GRIA4: variants seen among roughly 807,000 people sequenced by gnomAD.
GRIA4 encodes the protein glutamate ionotropic receptor AMPA type subunit 4.
Under a neutral mutation model 104.0 loss-of-function variants are expected in GRIA4, and 34 were observed. The observed-to-expected ratio is 0.33, with a 90% confidence interval of 0.25 to 0.44. GRIA4 has a LOEUF of 0.44. Ranked by LOEUF, GRIA4 falls within the 20% of genes least tolerant of loss-of-function variation. GRIA4 has a pLI of 1.00. For synonymous variants in GRIA4, 386 were observed against 381.9 expected (o/e 1.01, Z -0.13); for missense variants, 750 against 1,096.5 (o/e 0.68, Z 4.46).
At chr11:105,705,257 G>C (rs1257491036) in intron 3 of GRIA4, among the ~76,000 whole-genome samples, 1 of 151,930 alleles carries the variant, frequency 6.6e-6, no homozygotes, top group Non-Finnish European at 1.5e-5. Context: ...CTATACACCA[G>C]AATAAATTCT....
intron 3 of GRIA4, among the ~76,000 whole-genome samples, chr11:105,617,827 A>G (rs1950639087): frequency 6.6e-6 from 1 of 152,082 alleles, no homozygotes; most frequent in Non-Finnish European, 1.5e-5. Flanking sequence ...CTGATAGCCC[A>G]GTGGGAAAGA....
intron 2 of GRIA4, 141 bp downstream of exon 2, chr11:105,611,226 C>T (rs1214276805): frequency 1.5e-6 from 1 of 684,548 alleles, no homozygotes; most frequent in African/African-American, 1.8e-5. Context: ...TCCTTTCTCT[C>T]CTTTGCAAAA....
chr11:105,769,358 G>A (rs930269553), intron 4 of GRIA4, among the ~76,000 whole-genome samples: 8 of 152,044 alleles, frequency 5.3e-5, no homozygotes, highest in African/African-American at 1.9e-4. Flanking sequence ...TTTGGGCTGA[G>A]TAGATCTTAA....
intron 4 of GRIA4, among the ~76,000 whole-genome samples, chr11:105,828,026 T>G (rs965645423): frequency 6.6e-6 from 1 of 151,974 alleles, no homozygotes; most frequent in Non-Finnish European, 1.5e-5. Flanking sequence ...AACAGGGCAG[T>G]TTTTTCAGTA....
At chr11:105,691,601 T>C (rs1350260271) in intron 3 of GRIA4, among the ~76,000 whole-genome samples, 1 of 152,158 alleles carries the variant, frequency 6.6e-6, no homozygotes, top group Non-Finnish European at 1.5e-5. Flanking sequence ...AAATAAGTTA[T>C]TTTTTAATTA....
At chr11:105,856,465 C>A (rs1049294979) in intron 4 of GRIA4, among the ~76,000 whole-genome samples, 1 of 151,992 alleles carries the variant, frequency 6.6e-6, no homozygotes, top group Non-Finnish European at 1.5e-5. Flanking sequence ...ACCTGCTATG[C>A]AAGATAAAAA....
chr11:105,734,633 C>T (rs1487027585), intron 3 of GRIA4, among the ~76,000 whole-genome samples: 1 of 152,124 alleles, frequency 6.6e-6, no homozygotes, highest in African/African-American at 2.4e-5. Context: ...TTATTACTTC[C>T]TCTTCAGCCT....
chr11:105,830,972 A>G (rs1039432024), intron 4 of GRIA4, among the ~76,000 whole-genome samples: 5 of 150,352 alleles, frequency 3.3e-5, no homozygotes, highest in South Asian at 2.1e-4. Context: ...ACACACACGC[A>G]CACACACACA....
intron 4 of GRIA4, among the ~76,000 whole-genome samples, chr11:105,762,014 T>A (rs1940676255): frequency 6.7e-6 from 1 of 149,616 alleles, no homozygotes. Context: ...AAGAATCTTT[T>A]GAGAAGTCTT....
intron 3 of GRIA4, among the ~76,000 whole-genome samples, chr11:105,658,127 T>C (rs1951898751): frequency 6.6e-6 from 1 of 151,862 alleles, no homozygotes; most frequent in Admixed American, 6.6e-5. Context: ...TGTCATATTG[T>C]CTCACCTTAA....
chr11:105,885,169 G>A (rs1946210094), intron 5 of GRIA4, among the ~76,000 whole-genome samples: 1 of 152,162 alleles, frequency 6.6e-6, no homozygotes, highest in African/African-American at 2.4e-5. Context: ...GTGGCATCAA[G>A]CATCCTCCTG....
At chr11:105,910,294 C>CTT (rs113570660) in intron 9 of GRIA4, 141 bp from the exon 10 acceptor site, 204 of 488,232 alleles carry the variant, frequency 4.2e-4, no homozygotes, top group Non-Finnish European at 5.2e-4. Flanking sequence ...CTTCTGAACA[C>CTT]TTTTTTTTTT....
chr11:105,706,723 G>C (rs1214835261), intron 3 of GRIA4: 1 of 152,282 alleles, frequency 6.6e-6, no homozygotes, highest in Non-Finnish European at 1.5e-5. Context: ...GTCTGAACCT[G>C]TAACACCCTC....
intron 4 of GRIA4, among the ~76,000 whole-genome samples, chr11:105,827,560 G>C (rs1943817638): frequency 6.6e-6 from 1 of 151,960 alleles, no homozygotes; most frequent in Non-Finnish European, 1.5e-5. Flanking sequence ...ATAGAAAAGA[G>C]AATGGTGTGG....
At chr11:105,649,208 T>A (rs1162164738) in intron 3 of GRIA4, among the ~76,000 whole-genome samples, 1 of 152,038 alleles carries the variant, frequency 6.6e-6, no homozygotes, top group Non-Finnish European at 1.5e-5. Flanking sequence ...TCAATAGAAA[T>A]GCATTAGTAG....
In GRIA4 at chr11:105,611,038, G is replaced by C; in HGVS notation, c.41G>C (p.Gly14Ala). 2 of 1,613,698 alleles carry C rather than the reference G, an allele frequency of 1.2e-6. No homozygotes were observed. Among genetic ancestry groups the C allele is most frequent in the Non-Finnish European group, 1.7e-6 (2 of 1,179,792 alleles). Residue 14 changes from glycine to alanine, a missense_variant, in exon 2 of 17, where the codon GGA becomes GCA. By Grantham distance (60) the Gly-to-Ala change is moderately conservative. Coordinates refer to ENST00000282499, the MANE Select transcript of GRIA4 (RefSeq NM_000829.4). The part of the protein sequence containing the change: ...ISRQIVLLFS[G>A]FWGLAMGAFP... ...AGACAGATTGTCTTGTTATTTTCTG[G>C]ATTTTGGGGACTCGCCATGGGAGCC...
At chr11:105,733,141 T>A (rs1938707868) in intron 3 of GRIA4, among the ~76,000 whole-genome samples, 1 of 152,206 alleles carries the variant, frequency 6.6e-6, no homozygotes, top group African/African-American at 2.4e-5. Context: ...ATTGTTATTT[T>A]GAAAGACTTA....
intron 3 of GRIA4, among the ~76,000 whole-genome samples, chr11:105,639,160 C>T (rs1213884855): frequency 6.6e-6 from 1 of 152,062 alleles, no homozygotes; most frequent in Non-Finnish European, 1.5e-5. Flanking sequence ...AATATTCATG[C>T]TATGTCAGAT....
At chr11:105,830,318 T>C (rs1056804976) in intron 4 of GRIA4, among the ~76,000 whole-genome samples, 2 of 151,990 alleles carry the variant, frequency 1.3e-5, no homozygotes, top group African/African-American at 4.8e-5. Flanking sequence ...ATGATGAGGA[T>C]ATGAACTAAA....
Sources: gnomAD v4.1 joint callset for allele counts (sites outside exome capture counted in the v4.1 genomes callset) on GRCh38, gnomAD v4.1.1 for gene constraint, MANE v1.5 for transcripts, NCBI Gene and HGNC (gene_info 2026-07-23, HGNC 2026-07-21) for gene names.